Variants in USHBP1 observed in about 807,000 individuals in gnomAD.
The protein encoded by USHBP1 is USH1 protein network component harmonin binding protein 1.
In USHBP1, 67 loss-of-function variants were observed where a neutral mutation model predicts 76.2. The observed-to-expected ratio is 0.88, with a 90% CI of 0.72 to 1.08. The LOEUF is 1.08. Among genes scored for constraint, USHBP1 ranks in the 50% least tolerant of loss-of-function variants. USHBP1 has a pLI of 0.00. For missense variants in USHBP1, 931 were observed against 915.0 expected, an observed-to-expected ratio of 1.02 and a Z score of -0.23; for synonymous variants, 322 against 362.2, an observed-to-expected ratio of 0.89 and a Z score of 1.26.
At position 17,264,022 on chromosome 19, in the gene USHBP1, A is replaced by C. The variant is rs1367418903; in HGVS notation, c.183T>G (p.Ser61Arg). ...CTTACCTGCTTCCTAGGCCTTGGCC[A>C]CTGACCTCCTCCATGGGGCCCAGCT... ...LEQLGPMEEV[S>R]GQGLGSRTDK... The change falls in exon 3 of 13, where the codon AGT (serine) becomes AGG (arginine). Residue 61 changes from serine (S) to arginine (R), a missense_variant. Physicochemically the swap from Ser to Arg is moderately radical, Grantham distance 110. Coordinates refer to ENST00000252597, the MANE Select transcript of USHBP1 (RefSeq NM_031941.4). 4 of 1,603,146 alleles carry C rather than the reference A, an allele frequency of 2.5e-6. No individual in the cohort carries two copies. Among genetic ancestry groups the C allele is most frequent in the Non-Finnish European group, 3.4e-6 (4 of 1,174,458 alleles).
chr19:17,253,760 G>A (rs1214988361), intron 10 of USHBP1, among the ~76,000 whole-genome samples: 1 of 149,668 alleles, frequency 6.7e-6, no homozygotes, highest in Non-Finnish European at 1.5e-5. Flanking sequence ...TGGGTGTGGT[G>A]GTGCACGCCT....
Position 17,262,715 on chromosome 19 carries a change from A to C in USHBP1, c.479T>G (p.Leu160Arg). Reference sequence around the variant, plus strand: ...GCTCCCTGCCCCTTCCTGCTTCCCAAGGGAACCTGCTCCCCCTTCGCTTGT... The same window carrying C: ...GCTCCCTGCCCCTTCCTGCTTCCCACGGGAACCTGCTCCCCCTTCGCTTGT... Reference protein sequence around the residue: ...EGTSEGGAGSLGKQEGAGSCQ... With the variant: ...EGTSEGGAGSRGKQEGAGSCQ... Residue 160 changes from leucine to arginine, a missense_variant, in exon 4 of 13, where the codon CTT becomes CGT. Transcript: ENST00000252597. 5 of 1,614,150 alleles carry C rather than the reference A, an allele frequency of 3.1e-6. No individual in the cohort carries two copies. The highest frequency in any genetic ancestry group is 4.2e-6 in the Non-Finnish European group (5 of 1,180,016).
In USHBP1 at chr19:17,249,973, C is replaced by G. The variant is rs57415472; in HGVS notation, c.*252G>C. 3,707 of 513,864 alleles carry G rather than the reference C, an allele frequency of 7.2e-3. 118 individuals carry two copies. The highest frequency in any genetic ancestry group is 0.068 in the African/African-American group (3,375 of 49,724). 31.8% of individuals were successfully genotyped at this position (513,864 alleles called of 1,614,324 possible). On this transcript the variant is annotated 3_prime_UTR_variant, in exon 13 of 13. Transcript: ENST00000252597. The stretch of plus-strand genomic sequence containing the variant: ...AGTCCCAGGGACCTGGTCCCATAGC[C>G]CAGGTTGCTTCTGGCCTGACCCCAC...
chr19:17,258,449 C>T (rs2073648282), intron 7 of USHBP1, 64 bp from the exon 8 acceptor site: 2 of 1,556,474 alleles, frequency 1.3e-6, no homozygotes, highest in Middle Eastern at 3.9e-4. Flanking sequence ...TGGCCCTCAC[C>T]TGTAGTCCCA....
At chr19:17,252,868 C>T (rs1028289834) in intron 10 of USHBP1, among the ~76,000 whole-genome samples, 1 of 151,180 alleles carries the variant, frequency 6.6e-6, no homozygotes, top group African/African-American at 2.4e-5. Context: ...GCCTGAGCAA[C>T]ACAGTGAGAC....
intron 8 of USHBP1, 119 bp from the exon 9 acceptor site, chr19:17,256,839 C>A: frequency 7.0e-7 from 1 of 1,436,686 alleles, no homozygotes. Context: ...GAATCTATGC[C>A]ATCTTTGGTG....
At chr19:17,261,568 T>A (rs558025847) in intron 4 of USHBP1, among the ~76,000 whole-genome samples, 18 of 151,796 alleles carry the variant, frequency 1.2e-4, no homozygotes, top group Non-Finnish European at 2.4e-4. Flanking sequence ...TCTCCTGACC[T>A]CGTGATCTGT....
chr19:17,254,526 C>T (rs1175556390), intron 10 of USHBP1, among the ~76,000 whole-genome samples: 3 of 146,702 alleles, frequency 2.0e-5, no homozygotes, highest in African/African-American at 2.5e-5. Flanking sequence ...CGTGGTGGCG[C>T]GTGCCTGTAG....
Position 17,256,780 on chromosome 19 carries a change from A to C in USHBP1, c.1221-60T>G, listed in dbSNP as rs190092119. On this transcript the variant is annotated intron_variant, in intron 8 of 12. Coordinates refer to ENST00000252597, the MANE Select transcript of USHBP1 (RefSeq NM_031941.4). Reference sequence around the variant, plus strand: ...TGGCAGGCATAGGTGGGTTAAGTTCATGCCAATCCTGGTAGGGTCCATCAC... The same window carrying C: ...TGGCAGGCATAGGTGGGTTAAGTTCCTGCCAATCCTGGTAGGGTCCATCAC... 6.8e-5 allele frequency: 110 copies of C among 1,606,856 alleles called. 3 individuals carry two copies. In the East Asian group the frequency reaches 1.4e-3, roughly 21 times the overall value.
intron 6 of USHBP1, 39 bp from the exon 7 acceptor site, chr19:17,259,468 T>C: frequency 6.2e-7 from 1 of 1,612,178 alleles, no homozygotes; most frequent in Non-Finnish European, 8.5e-7. Flanking sequence ...GTCAGAGGCC[T>C]TCTAAGGCAG....
rs370376462 is a variant in USHBP1, at chr19:17,250,362, G to A, written c.1975C>T (p.Arg659Trp). 1.7e-5 allele frequency: 28 copies of A among 1,613,544 alleles called. No homozygotes were observed. Among genetic ancestry groups the A allele is most frequent in the Middle Eastern group, 1.6e-4 (1 of 6,082 alleles). ...AGTGCCATCTGCTGCTCCAACTTCC[G>A]GCGTTGCTCTTCCTGCTTCCGGTGG... ...GAHRKQEEQR[R>W]KLEQQMALME... Residue 659 changes from arginine (R) to tryptophan (W), a missense_variant, in exon 13 of 13, where the codon CGG (arginine) becomes TGG (tryptophan). By Grantham distance (101) the Arg-to-Trp change is moderately radical. Transcript: ENST00000252597.
rs764054192 is a variant in USHBP1, at chr19:17,250,313, T to TC, written c.2023dup (p.Glu675GlyfsTer69). ...TGCAGTGGCTTCGAGCACCGCCACC[T>TC]CCTCGGCCTGCTGAGCCTCCATGAG... On this transcript the variant is annotated frameshift_variant, in exon 13 of 13. Coordinates refer to ENST00000252597, the MANE Select transcript of USHBP1 (RefSeq NM_031941.4). LOFTEE classifies it low-confidence loss of function (END_TRUNC). 13 of 1,613,344 alleles carry TC rather than the reference T, an allele frequency of 8.1e-6. No homozygotes were observed. In the African/African-American group the frequency reaches 1.7e-4, roughly 22 times the overall value.
chr19:17,257,376 C>G (rs1235298309), intron 8 of USHBP1, among the ~76,000 whole-genome samples: 1 of 147,176 alleles, frequency 6.8e-6, no homozygotes, highest in Non-Finnish European at 1.5e-5. Flanking sequence ...GGCGCAGTGC[C>G]TAACGCCTGT....
chr19:17,259,692 C>A lies in USHBP1; in HGVS notation c.809G>T (p.Arg270Leu). 6.2e-7 allele frequency: 1 copy of A among 1,613,596 alleles called. No individual in the cohort carries two copies. The highest frequency in any genetic ancestry group is 8.5e-7 in the Non-Finnish European group (1 of 1,179,834). Residue 270 changes from arginine to leucine, a missense_variant, in exon 6 of 13, where the codon CGC (arginine) becomes CTC (leucine). Arg to Leu is a moderately radical substitution (Grantham distance 102). Transcript: ENST00000252597. ...SLAHPLLRRL[R>L]SHSSTQILGS... ...AAGGATCTGGGTGCTGGAATGGCTG[C>A]GGAGGCGCCGAAGCAGGGGGTGAGC... is the stretch of plus-strand genomic sequence containing the variant.
intron 12 of USHBP1, 114 bp downstream of exon 12, chr19:17,251,468 C>T: frequency 7.0e-7 from 1 of 1,432,248 alleles, no homozygotes; most frequent in Non-Finnish European, 9.6e-7. Flanking sequence ...CTGACCGTTA[C>T]TGCCTATCTT....
Position 17,251,628 on chromosome 19 carries a change from G to A in USHBP1, c.1876C>T (p.Arg626Trp), listed in dbSNP as rs759256700. ...EQVAQKGRAR[R>W]SQSAELNRDL... ...CTGTTCAGCTCGGCACTCTGAGACC[G>A]TCTGGCTCGCCCCTTCTGAGCCACC... The change falls in exon 12 of 13, where the codon CGG (arginine) becomes TGG (tryptophan). Residue 626 changes from arginine to tryptophan, a missense_variant. Physicochemically the swap from Arg to Trp is moderately radical, Grantham distance 101 (BLOSUM62 -3). Coordinates refer to ENST00000252597, the MANE Select transcript of USHBP1 (RefSeq NM_031941.4). 34 of 1,613,994 alleles carry A rather than the reference G, an allele frequency of 2.1e-5. No individual in the cohort carries two copies. Among genetic ancestry groups the A allele is most frequent in the African/African-American group, 1.7e-4 (13 of 75,024 alleles).
rs765309045 is a variant in USHBP1 at position 17,250,214 on chromosome 19, G to T, written c.*11C>A. The T allele has an allele frequency of 3.8e-6, 6 of 1,597,238 alleles. No homozygotes were observed. Among genetic ancestry groups the T allele is most frequent in the Non-Finnish European group, 5.1e-6 (6 of 1,172,936 alleles). On this transcript the variant is annotated 3_prime_UTR_variant, in exon 13 of 13. Transcript: ENST00000252597. Reference sequence around the variant, plus strand: ...CTGTCTGGCATGTCCAGACATGGCTGGGTAAGGGGCCTACAGAAAGGTGTC... The same window carrying T: ...CTGTCTGGCATGTCCAGACATGGCTTGGTAAGGGGCCTACAGAAAGGTGTC...
rs751684251 is a variant in USHBP1 at position 17,251,579 on chromosome 19, T to C, written c.1922+3A>G. 5.6e-6 allele frequency: 9 copies of C among 1,613,756 alleles called. No individual in the cohort carries two copies. Among genetic ancestry groups the C allele is most frequent in the Non-Finnish European group, 7.6e-6 (9 of 1,179,820 alleles). On this transcript the variant is annotated splice_donor_region_variant and intron_variant, in intron 12 of 12. Coordinates refer to ENST00000252597, the MANE Select transcript of USHBP1 (RefSeq NM_031941.4). ...GGATTGGGGGGATGCAGAACAGTCC[T>C]ACCTGTGGGCTTTGCATAAATCCCT...
Position 17,259,445 on chromosome 19 carries a change from G to C in USHBP1, c.906-16C>G. On this transcript the variant is annotated splice_polypyrimidine_tract_variant and intron_variant, in intron 6 of 12. Transcript: ENST00000252597. ...CTCAATGCTCCTGTTCCCGAAGGTG[G>C]GGAAGAGGGAAAGTCAGAGGCCTTC... The C allele has an allele frequency of 6.2e-7, 1 of 1,613,788 alleles. No individual in the cohort carries two copies. The highest frequency in any genetic ancestry group is 8.5e-7 in the Non-Finnish European group (1 of 1,179,920).
Sources: gnomAD v4.1 joint callset for allele counts (sites outside exome capture counted in the v4.1 genomes callset) on GRCh38, gnomAD v4.1.1 for gene constraint, MANE v1.5 for transcripts, NCBI Gene and HGNC (gene_info 2026-07-23, HGNC 2026-07-21) for gene names.